The following NELL1 variants were observed in gnomAD, a reference collection of about 807,000 sequenced individuals.
NELL1 encodes the protein neural EGFL like 1.
In NELL1, 76 loss-of-function variants were observed where a neutral mutation model predicts 107.4. The ratio of observed to expected loss-of-function variants is 0.71; its 90% CI spans 0.59 to 0.86. The LOEUF (loss-of-function observed/expected upper bound fraction) is 0.86, where lower values mean the gene tolerates loss of function less well. Among genes scored for constraint, NELL1 ranks in the 40% least tolerant of loss-of-function variants. The probability of loss-of-function intolerance (pLI) is 0.00; values close to 1 mark genes in which losing one functional copy is unlikely to be tolerated. For missense variants in NELL1, 1,024 were observed against 1,005.5 expected (o/e 1.02, Z -0.25); for synonymous variants, 353 against 341.2 (o/e 1.03, Z -0.38).
At chr11:20,692,691 G>T (rs545472704) in intron 2 of NELL1, among the ~76,000 whole-genome samples, 9 of 152,132 alleles carry the variant, frequency 5.9e-5, no homozygotes, top group East Asian at 1.9e-4. Flanking sequence ...TTGCTGAGGA[G>T]TGCTTTACTT....
intron 5 of NELL1, among the ~76,000 whole-genome samples, chr11:20,894,031 A>G (rs1334237183): frequency 6.6e-6 from 1 of 152,178 alleles, no homozygotes; most frequent in Admixed American, 6.5e-5. Flanking sequence ...AATAGCAGGC[A>G]TGGATGGCCT....
chr11:21,539,496 G>A (rs1312400509), intron 16 of NELL1, among the ~76,000 whole-genome samples: 3 of 151,998 alleles, frequency 2.0e-5, no homozygotes, highest in African/African-American at 7.2e-5. Context: ...ATTGAGTGGT[G>A]GAGGTGGCTC....
chr11:21,249,292 G>C (rs1233103861), intron 14 of NELL1, among the ~76,000 whole-genome samples: 1 of 152,138 alleles, frequency 6.6e-6, no homozygotes, highest in African/African-American at 2.4e-5. Flanking sequence ...CAGTGTTTTA[G>C]ATGGAAGAAT....
chr11:21,366,553 G>C (rs752657307), intron 14 of NELL1, among the ~76,000 whole-genome samples: 2 of 151,910 alleles, frequency 1.3e-5, no homozygotes, highest in African/African-American at 4.8e-5. Context: ...AACAATTGTC[G>C]CATCGAAGCA....
intron 15 of NELL1, among the ~76,000 whole-genome samples, chr11:21,446,185 G>A (rs1853423111): frequency 6.6e-6 from 1 of 151,706 alleles, no homozygotes; most frequent in South Asian, 2.1e-4. Flanking sequence ...ATTTCTGCTT[G>A]ATTTTTTAAA....
At chr11:21,131,510 A>G (rs1238525762) in intron 13 of NELL1, among the ~76,000 whole-genome samples, 4 of 152,156 alleles carry the variant, frequency 2.6e-5, no homozygotes, top group Admixed American at 6.5e-5. Flanking sequence ...TTGGATTATA[A>G]ATGGACTTTT....
intron 13 of NELL1, among the ~76,000 whole-genome samples, chr11:21,141,143 A>G (rs1234422873): frequency 2.0e-5 from 3 of 152,228 alleles, no homozygotes; most frequent in Non-Finnish European, 2.9e-5. Flanking sequence ...CATCCATTGC[A>G]CACATAATGT....
intron 15 of NELL1, among the ~76,000 whole-genome samples, chr11:21,405,448 CA>C (rs1852212836): frequency 6.6e-6 from 1 of 151,992 alleles, no homozygotes; most frequent in Non-Finnish European, 1.5e-5. Context: ...TCTGTGCTAA[CA>C]GAATACAAAT....
intron 13 of NELL1, among the ~76,000 whole-genome samples, chr11:21,176,940 C>T (rs117580174): frequency 3.3e-5 from 5 of 151,340 alleles, no homozygotes; most frequent in Non-Finnish European, 7.4e-5. Context: ...TTGGTCAAGT[C>T]GAGTTCTTCA....
intron 12 of NELL1, among the ~76,000 whole-genome samples, chr11:21,070,161 A>G (rs958800528): frequency 3.3e-5 from 5 of 152,040 alleles, no homozygotes; most frequent in African/African-American, 1.2e-4. Context: ...TGCCAAACAT[A>G]TGCTGACAGT....
chr11:20,775,227 T>G (rs567502675), intron 2 of NELL1, among the ~76,000 whole-genome samples: 19 of 152,370 alleles, frequency 1.2e-4, no homozygotes, highest in Admixed American at 1.2e-3. Flanking sequence ...CATGCCTATC[T>G]ATCTGCTATG....
chr11:20,755,987 G>A (rs1590264749), intron 2 of NELL1, among the ~76,000 whole-genome samples: 2 of 147,896 alleles, frequency 1.4e-5, no homozygotes, highest in African/African-American at 5.1e-5. Context: ...CTGCCTGCCG[G>A]GTTCATGCCA....
intron 14 of NELL1, among the ~76,000 whole-genome samples, chr11:21,318,006 A>G (rs367552863): frequency 2.6e-5 from 4 of 152,236 alleles, no homozygotes; most frequent in Non-Finnish European, 1.5e-5. Flanking sequence ...TGGTGCCTCT[A>G]TGTGCTTTCA....
intron 4 of NELL1, among the ~76,000 whole-genome samples, chr11:20,862,924 A>G (rs1163369600): frequency 6.6e-6 from 1 of 152,162 alleles, no homozygotes; most frequent in Non-Finnish European, 1.5e-5. Context: ...GTTGGGGGTA[A>G]GGTCATAGAT....
intron 3 of NELL1, among the ~76,000 whole-genome samples, chr11:20,831,644 A>G (rs1015087952): frequency 9.2e-5 from 14 of 152,210 alleles, no homozygotes; most frequent in Non-Finnish European, 1.2e-4. Flanking sequence ...AGAAAGCCCT[A>G]TGACACAGAG....
rs1360086846 is a variant in NELL1 at position 20,928,370 on chromosome 11, T to C, written c.895-7T>C. The C allele has an allele frequency of 1.9e-6, 3 of 1,611,694 alleles. No homozygotes were observed. The highest frequency in any genetic ancestry group is 2.5e-6 in the Non-Finnish European group (3 of 1,177,836). ...TGAGATTATGTTCCATGTCCTTCCTTCCTCAGAGTGGTGCCGTGGAATGCC... is the reference window on the plus strand; with the variant it reads ...TGAGATTATGTTCCATGTCCTTCCTCCCTCAGAGTGGTGCCGTGGAATGCC... On this transcript the variant is annotated splice_region_variant and splice_polypyrimidine_tract_variant and intron_variant, in intron 8 of 19. Transcript: ENST00000357134.
chr11:21,483,990 CATATATATATAT>C (rs781565679), intron 15 of NELL1, among the ~76,000 whole-genome samples: 3,859 of 88,352 alleles, frequency 0.044, 268 homozygotes, highest in East Asian at 0.2. Flanking sequence ...TTTTACTTAA[CATATATATATAT>C]ATATATATAT....
intron 2 of NELL1, among the ~76,000 whole-genome samples, chr11:20,745,878 T>A: frequency 6.6e-6 from 1 of 152,226 alleles, no homozygotes; most frequent in African/African-American, 2.4e-5. Context: ...TGAAATATTT[T>A]ATTCTTGTCC....
At chr11:20,924,919 A>C (rs1215636689) in intron 7 of NELL1, among the ~76,000 whole-genome samples, 1 of 152,176 alleles carries the variant, frequency 6.6e-6, no homozygotes, top group Non-Finnish European at 1.5e-5. Flanking sequence ...CTCAGAAAAA[A>C]ATTCCAAAAA....
Sources: allele counts gnomAD v4.1 joint callset (sites outside exome capture counted in the v4.1 genomes callset), GRCh38; gene constraint gnomAD v4.1.1; transcripts MANE v1.5; gene names NCBI Gene and HGNC (gene_info 2026-07-23, HGNC 2026-07-21).